Variants in ZMYM1 observed in about 807,000 individuals in gnomAD.
ZMYM1 encodes the protein zinc finger MYM-type protein 1.
In ZMYM1, 39 loss-of-function variants were observed where a neutral mutation model predicts 60.0. The ratio of observed to expected loss-of-function variants is 0.65; its 90% CI spans 0.50 to 0.85. ZMYM1 has a LOEUF of 0.85. ZMYM1 is among the 40% of genes least tolerant of loss of function. The pLI is 0.00. For missense variants in ZMYM1, 1,171 were observed against 1,309.5 expected, an observed-to-expected ratio of 0.89 and a Z score of 1.63; for synonymous variants, 413 against 454.0, an observed-to-expected ratio of 0.91 and a Z score of 1.15.
intron 2 of ZMYM1, 45 bp from the exon 3 acceptor site, chr1:35,095,774 C>G (rs780006705): frequency 7.1e-7 from 1 of 1,400,702 alleles, no homozygotes; most frequent in Non-Finnish European, 9.8e-7. Context: ...GTCTTAAATT[C>G]ATTGTATTCA....
intron 1 of ZMYM1, among the ~76,000 whole-genome samples, chr1:35,074,078 G>A (rs893029330): frequency 2.6e-5 from 4 of 152,140 alleles, no homozygotes; most frequent in African/African-American, 4.8e-5. Flanking sequence ...ATGAACCACC[G>A]TGGCTGCCCT....
chr1:35,073,377 A>AAGGAAGGAAGGAAG (rs1557626726), intron 1 of ZMYM1, among the ~76,000 whole-genome samples: 1 of 82,086 alleles, frequency 1.2e-5, no homozygotes, highest in Non-Finnish European at 2.6e-5. Flanking sequence ...AAGGAAGGAA[A>AAGGAAGGAAGGAAG]GAAAGGAAAG....
Position 35,114,807 on chromosome 1 carries a change from CA to C in ZMYM1, c.2980del (p.Ile994PhefsTer12). 6.2e-7 allele frequency: 1 copy of C among 1,605,628 alleles called. No homozygotes were observed. Among genetic ancestry groups the C allele is most frequent in the Non-Finnish European group, 8.5e-7 (1 of 1,176,206 alleles). ...FSEFDYCKIK[Q>X]ISELLFKWNE... is the part of the protein sequence containing the mutation. ...GGAGTTTGATTATTGCAAAATAAAG[CA>C]AATTTCAGAACTGTTATTTAAATGG... On this transcript the variant is annotated frameshift_variant, in exon 10 of 10. Coordinates refer to ENST00000359858, the MANE Select transcript of ZMYM1 (RefSeq NM_024772.5). LOFTEE classifies it low-confidence loss of function (END_TRUNC).
intron 3 of ZMYM1, among the ~76,000 whole-genome samples, chr1:35,096,318 A>C (rs1029692407): frequency 1.1e-4 from 16 of 151,284 alleles, no homozygotes; most frequent in African/African-American, 3.9e-4. Flanking sequence ...TCTAAAAAAA[A>C]AAAAAAAGAG....
chr1:35,088,857 G>C (rs1445232616), intron 1 of ZMYM1, among the ~76,000 whole-genome samples: 1 of 139,738 alleles, frequency 7.2e-6, no homozygotes, highest in Admixed American at 7.8e-5. Context: ...TCTTGCCTGA[G>C]CTGGAGTGCA....
Position 35,112,957 on chromosome 1 carries a change from T to G in ZMYM1, c.1147-20T>G, listed in dbSNP as rs773332186. 1.3e-6 allele frequency: 2 copies of G among 1,503,208 alleles called. No individual in the cohort carries two copies. Among genetic ancestry groups the G allele is most frequent in the Admixed American group, 4.9e-5 (2 of 40,992 alleles). The allele number at this position is 1,503,208 out of a possible 1,614,324, so 93.1% of individuals were successfully genotyped here. Reference sequence around the variant, plus strand: ...ATTTTTGAAAACTGTTAAATGTTCTTTTCTCATTTTCTCCCAAAGCTTTCT... The same window carrying G: ...ATTTTTGAAAACTGTTAAATGTTCTGTTCTCATTTTCTCCCAAAGCTTTCT... On this transcript the variant is annotated intron_variant, in intron 9 of 9. Coordinates refer to ENST00000359858, the MANE Select transcript of ZMYM1 (RefSeq NM_024772.5).
At position 35,088,452 on chromosome 1, in the gene ZMYM1, A is replaced by ATG. The variant is rs1436872757; in HGVS notation, c.-74-5461_-74-5460insGT. On this transcript the variant is annotated intron_variant, in intron 1 of 9. Coordinates refer to ENST00000359858, the MANE Select transcript of ZMYM1 (RefSeq NM_024772.5). ...TTTATGTGTATATATATATATATAT[A>ATG]TATGTGTGTGTGTGTGTGTGTGTGT... is the stretch of plus-strand genomic sequence containing the variant. 2.8e-3 allele frequency among the ~76,000 whole-genome samples: 284 copies of ATG among 101,630 alleles called. 1 individual carries two copies. Among genetic ancestry groups the ATG allele is most frequent in the African/African-American group, 0.013 (271 of 20,438 alleles). The allele number at this position is 101,630 out of a possible 152,430, so 66.7% of individuals were successfully genotyped here. A position where few individuals can be genotyped will look rare whatever the true frequency, so the allele number is the denominator to read the frequency against.
intron 1 of ZMYM1, among the ~76,000 whole-genome samples, chr1:35,089,549 G>T (rs1642869259): frequency 6.6e-6 from 1 of 152,018 alleles, no homozygotes; most frequent in Non-Finnish European, 1.5e-5. Flanking sequence ...AAAAATAATG[G>T]CAGAATTACT....
At chr1:35,101,423 A>G (rs1364220883) in intron 4 of ZMYM1, among the ~76,000 whole-genome samples, 1 of 147,660 alleles carries the variant, frequency 6.8e-6, no homozygotes, top group Non-Finnish European at 1.5e-5. Context: ...TCAATTTTTT[A>G]TAAAGCTTTA....
At chr1:35,079,310 G>C (rs1642238991), upstream of ZMYM1, 1 of 152,274 alleles carries the variant, frequency 6.6e-6, no homozygotes, top group African/African-American at 2.4e-5. Context: ...CAGGGAGCTG[G>C]GACCACCCTG....
intron 1 of ZMYM1, among the ~76,000 whole-genome samples, chr1:35,087,385 G>C (rs1400457209): frequency 1.3e-5 from 2 of 151,828 alleles, no homozygotes; most frequent in Non-Finnish European, 2.9e-5. Flanking sequence ...ATATCCCCTG[G>C]AGGTCTATAT....
At chr1:35,116,968 C>T (rs940597473), downstream of ZMYM1, among the ~76,000 whole-genome samples, 2 of 149,562 alleles carry the variant, frequency 1.3e-5, no homozygotes, top group Non-Finnish European at 3.0e-5. Flanking sequence ...CTCAGCCTCC[C>T]GAGTAGCTGG....
At chr1:35,100,888 G>A (rs765171918) in intron 4 of ZMYM1, among the ~76,000 whole-genome samples, 10 of 151,064 alleles carry the variant, frequency 6.6e-5, no homozygotes, top group Non-Finnish European at 1.5e-4. Context: ...CTGCAGCCTC[G>A]ACCACCTGGG....
intron 1 of ZMYM1, among the ~76,000 whole-genome samples, chr1:35,067,744 G>A (rs1641995827): frequency 6.6e-6 from 1 of 151,452 alleles, no homozygotes; most frequent in Admixed American, 6.6e-5. Context: ...GCATGGTGGT[G>A]CGCGCCTGTG....
At chr1:35,061,305 C>G (rs1310429588) in intron 1 of ZMYM1, among the ~76,000 whole-genome samples, 4 of 152,154 alleles carry the variant, frequency 2.6e-5, no homozygotes, top group Non-Finnish European at 5.9e-5. Context: ...TAAAGAAGGA[C>G]ACATACTACT....
chr1:35,112,520 AAAATAT>A (rs1644124063), intron 9 of ZMYM1, among the ~76,000 whole-genome samples: 1 of 145,042 alleles, frequency 6.9e-6, no homozygotes, highest in South Asian at 2.1e-4. Context: ...ATAATATATA[AAAATAT>A]AAATATATAA....
At chr1:35,080,379 G>T (rs1642320511) in intron 1 of ZMYM1, among the ~76,000 whole-genome samples, 1 of 146,226 alleles carries the variant, frequency 6.8e-6, no homozygotes, top group Admixed American at 7.0e-5. Context: ...GCAGTGACAC[G>T]ATCACGGCTC....
At position 35,101,545 on chromosome 1, in the gene ZMYM1, G is replaced by T. The variant is rs191103555; in HGVS notation, c.420-2750G>T. Among the ~76,000 whole-genome samples the T allele has an allele frequency of 6.1e-3, 912 of 150,262 alleles. 12 individuals are homozygous for T. Among genetic ancestry groups the T allele is most frequent in the African/African-American group, 0.021 (865 of 40,816 alleles). Reference sequence around the variant, plus strand: ...GTTTCTTCTTCCTCCCTTCCCATCTGGCTGGTATCTTTATTCTGTCTGAAA... The same window carrying T: ...GTTTCTTCTTCCTCCCTTCCCATCTTGCTGGTATCTTTATTCTGTCTGAAA... On this transcript the variant is annotated intron_variant, in intron 4 of 9. Coordinates refer to ENST00000359858, the MANE Select transcript of ZMYM1 (RefSeq NM_024772.5).
intron 1 of ZMYM1, among the ~76,000 whole-genome samples, chr1:35,083,054 T>G (rs1642472950): frequency 6.6e-6 from 1 of 152,238 alleles, no homozygotes; most frequent in Non-Finnish European, 1.5e-5. Context: ...TTTATTTTGC[T>G]CTTAATCTTG....
Sources: gnomAD v4.1 joint callset for allele counts (sites outside exome capture counted in the v4.1 genomes callset) on GRCh38, gnomAD v4.1.1 for gene constraint, MANE v1.5 for transcripts, NCBI Gene and HGNC (gene_info 2026-07-23, HGNC 2026-07-21) for gene names.